The following GLIS3 variants were observed in gnomAD, a reference collection of about 807,000 sequenced individuals.
GLIS3 encodes the protein GLIS family zinc finger 3.
GLIS3 carries 53 observed loss-of-function variants against 78.6 expected under a neutral mutation model. The ratio of observed to expected loss-of-function variants is 0.67; its 90% CI spans 0.54 to 0.85. The LOEUF (loss-of-function observed/expected upper bound fraction) is 0.85. Among genes scored for constraint, GLIS3 ranks in the 40% least tolerant of loss-of-function variants. The pLI is 0.00. For missense variants in GLIS3, 1,703 were observed against 1,231.1 expected, an observed-to-expected ratio of 1.38 and a Z score of -5.74; for synonymous variants, 684 against 509.9, an observed-to-expected ratio of 1.34 and a Z score of -4.60.
At chr9:4,469,063 A>C in the GLIS3 span, among the ~76,000 whole-genome samples, 68 of 152,350 alleles carry the variant, frequency 4.5e-4, no homozygotes, top group African/African-American at 1.6e-3. Context: ...TGGTAAAGGG[A>C]TCAATTCAAC....
intron 4 of GLIS3, among the ~76,000 whole-genome samples, chr9:3,976,161 T>C (rs1056177429): frequency 6.6e-6 from 1 of 152,176 alleles, no homozygotes; most frequent in African/African-American, 2.4e-5. Flanking sequence ...TGCCCCCATA[T>C]GTTTTGTACT....
intron 7 of GLIS3, among the ~76,000 whole-genome samples, chr9:3,894,310 A>G (rs564526828): frequency 2.0e-5 from 3 of 152,346 alleles, no homozygotes; most frequent in Non-Finnish European, 4.4e-5. Context: ...CTACTGGGAA[A>G]TGTGTGTGGT....
chr9:3,956,028 C>CAAAAAAAAAAAAAAAAA (rs5896037), intron 4 of GLIS3, among the ~76,000 whole-genome samples: 70 of 87,460 alleles, frequency 8.0e-4, no homozygotes, highest in Non-Finnish European at 1.1e-3. Context: ...CCAGATTCAG[C>CAAAAAAAAAAAAAAAAA]AAAAAAAAAA....
the GLIS3 span, among the ~76,000 whole-genome samples, chr9:4,399,491 T>C: frequency 0.017 from 2,561 of 152,314 alleles, 80 homozygotes; most frequent in African/African-American, 0.058. Flanking sequence ...CAAGGTCTCA[T>C]AGCTGGCCAG....
chr9:4,228,260 G>C (rs1821950100), intron 2 of GLIS3, among the ~76,000 whole-genome samples: 1 of 149,012 alleles, frequency 6.7e-6, no homozygotes, highest in African/African-American at 2.5e-5. Context: ...GATGAATTTA[G>C]TTTTAAAATG....
At chr9:4,343,341 CAACAA>C (rs1022003118) in intron 2 of GLIS3, among the ~76,000 whole-genome samples, 9 of 152,054 alleles carry the variant, frequency 5.9e-5, no homozygotes, top group African/African-American at 2.2e-4. Context: ...GCACCTGTCT[CAACAA>C]AACAAAACAA....
Position 3,827,933 on chromosome 9 carries a change from A to G in GLIS3, c.*339T>C, listed in dbSNP as rs1817812747. The G allele has an allele frequency of 5.7e-6, 2 of 349,220 alleles. No individual in the cohort carries two copies. Among genetic ancestry groups the G allele is most frequent in the East Asian group, 1.4e-4 (2 of 14,468 alleles). 21.6% of individuals were successfully genotyped at this position (349,220 alleles called of 1,614,324 possible). A position where few individuals can be genotyped will look rare whatever the true frequency, so the allele number is the denominator to read the frequency against. ...AGTTTTCAGGTAGAGTCATCCCCAA[A>G]CTACATTTTCATATGCACATCATTT... On this transcript the variant is annotated 3_prime_UTR_variant, in exon 11 of 11. Coordinates refer to ENST00000381971, the MANE Select transcript of GLIS3 (RefSeq NM_001042413.2).
chr9:3,948,419 C>A (rs899368454), intron 4 of GLIS3, among the ~76,000 whole-genome samples: 2 of 152,170 alleles, frequency 1.3e-5, no homozygotes, highest in African/African-American at 4.8e-5. Context: ...CCATCGATGA[C>A]CTTTTGGGTC....
intron 2 of GLIS3, among the ~76,000 whole-genome samples, chr9:4,139,562 C>G (rs1833650596): frequency 6.6e-6 from 1 of 152,080 alleles, no homozygotes; most frequent in Non-Finnish European, 1.5e-5. Context: ...CAGATACACA[C>G]AAACACATTC....
chr9:4,289,779 T>C (rs112734368), intron 1 of GLIS3, among the ~76,000 whole-genome samples: 37 of 152,170 alleles, frequency 2.4e-4, no homozygotes, highest in Non-Finnish European at 4.4e-4. Flanking sequence ...GTTCCTACAA[T>C]GAAAATGTTC....
chr9:4,187,084 G>C (rs183787095), intron 2 of GLIS3, among the ~76,000 whole-genome samples: 8 of 152,298 alleles, frequency 5.3e-5, no homozygotes, highest in Admixed American at 3.9e-4. Flanking sequence ...CCTATGTCCT[G>C]AATGGTAATG....
chr9:4,334,851 C>T (rs538593652), intron 2 of GLIS3, among the ~76,000 whole-genome samples: 2 of 151,258 alleles, frequency 1.3e-5, no homozygotes, highest in South Asian at 4.2e-4. Context: ...TGCCTGCTCT[C>T]TTCAACCCAC....
At chr9:3,963,152 T>G (rs1003584415) in intron 4 of GLIS3, among the ~76,000 whole-genome samples, 1 of 152,202 alleles carries the variant, frequency 6.6e-6, no homozygotes, top group South Asian at 2.1e-4. Context: ...CAAATATTCA[T>G]GTTCTTTGAA....
chr9:4,228,456 A>G (rs16920952), intron 2 of GLIS3, among the ~76,000 whole-genome samples: 5,517 of 152,222 alleles, frequency 0.036, 330 homozygotes, highest in African/African-American at 0.13. Context: ...ACCACGATAA[A>G]TCTCAAAAGG....
chr9:3,946,690 G>C (rs1816316624), intron 4 of GLIS3, among the ~76,000 whole-genome samples: 1 of 152,284 alleles, frequency 6.6e-6, no homozygotes, highest in African/African-American at 2.4e-5. Flanking sequence ...TAAGTGAGCT[G>C]TTTTCCTACC....
the GLIS3 span, among the ~76,000 whole-genome samples, chr9:4,443,533 G>A: frequency 6.6e-6 from 1 of 152,258 alleles, no homozygotes; most frequent in East Asian, 1.9e-4. Flanking sequence ...GAACGATCAA[G>A]GGAAAGCAGT....
At chr9:4,297,473 G>A (rs188607142) in intron 1 of GLIS3, among the ~76,000 whole-genome samples, 2 of 152,130 alleles carry the variant, frequency 1.3e-5, no homozygotes, top group East Asian at 1.9e-4. Flanking sequence ...TGGTCCACTG[G>A]GGGGAGCTGC....
chr9:3,991,857 AT>A (rs563672773), intron 4 of GLIS3, among the ~76,000 whole-genome samples: 2 of 151,670 alleles, frequency 1.3e-5, no homozygotes, highest in Admixed American at 1.3e-4. Flanking sequence ...TGCCTGGCTA[AT>A]TTTTTGTATT....
At chr9:4,160,092 G>A (rs1284740094) in intron 2 of GLIS3, among the ~76,000 whole-genome samples, 1 of 152,214 alleles carries the variant, frequency 6.6e-6, no homozygotes. Context: ...CAGAGGAAAA[G>A]GAGATAGCCT....
Sources: allele counts gnomAD v4.1 joint callset (sites outside exome capture counted in the v4.1 genomes callset), GRCh38; gene constraint gnomAD v4.1.1; transcripts MANE v1.5; gene names NCBI Gene and HGNC (gene_info 2026-07-23, HGNC 2026-07-21).